The following CLCN6 variants were observed in gnomAD, a reference collection of about 807,000 sequenced individuals.
CLCN6 encodes the protein Cl-/H+ antiporter 6.
Under a neutral mutation model 109.8 loss-of-function variants are expected in CLCN6, and 70 were observed. The observed-to-expected ratio is 0.64, with a 90% CI of 0.53 to 0.78. The LOEUF (loss-of-function observed/expected upper bound fraction) is 0.78, where lower values mean the gene tolerates loss of function less well. Ranked by LOEUF, CLCN6 falls within the 30% of genes least tolerant of loss-of-function variation. CLCN6 has a pLI of 0.00. For synonymous variants in CLCN6, 444 were observed against 447.8 expected (o/e 0.99, Z 0.11); for missense variants, 984 against 1,142.3 (o/e 0.86, Z 2.00).
chr1:11,816,401 C>A (rs1010816520), intron 3 of CLCN6, among the ~76,000 whole-genome samples: 2 of 152,194 alleles, frequency 1.3e-5, no homozygotes, highest in African/African-American at 4.8e-5. Context: ...AGGCCTTTAT[C>A]CTGCCAACCA....
chr1:11,829,336 A>T lies in CLCN6; in HGVS notation c.1248+14A>T. The T allele has an allele frequency of 6.2e-7, 1 of 1,613,914 alleles. No individual in the cohort carries two copies. ...TTCCAGCTCCAGGTAACCCCAGTGC[A>T]CCTGCTACCTTTATCCCATACCACG... On this transcript the variant is annotated intron_variant, in intron 13 of 22. Transcript: ENST00000346436.
chr1:11,834,672 A>G lies in CLCN6; in HGVS notation c.1793+82A>G. 1 of 1,165,960 alleles carries G rather than the reference A, an allele frequency of 8.6e-7. No individual in the cohort carries two copies. Among genetic ancestry groups the G allele is most frequent in the Non-Finnish European group, 1.3e-6 (1 of 791,892 alleles). The allele number at this position is 1,165,960 out of a possible 1,614,324, so 72.2% of individuals were successfully genotyped here. On this transcript the variant is annotated intron_variant, in intron 17 of 22. Coordinates refer to ENST00000346436, the MANE Select transcript of CLCN6 (RefSeq NM_001286.5). This position sits in a 1 kb window ranked among gnomAD's most constrained non-coding sequence, Gnocchi z 4.5. ...AAGGAATGTTGTTATTAGGGTAGGA[A>G]ACAGTAACTCACTTTTCTTGGGCTG...
At chr1:11,818,982 C>A (rs959663216) in intron 4 of CLCN6, among the ~76,000 whole-genome samples, 1 of 152,236 alleles carries the variant, frequency 6.6e-6, no homozygotes, top group South Asian at 2.1e-4. Context: ...AAAGCACATA[C>A]ACCTAAATGA....
rs1233551795 is a variant in CLCN6 at position 11,843,006 on chromosome 1, T to G, written c.*2783T>G. ...CACTGTTTGTTTGTATGATGTTAGC[T>G]AATTCCACTGTGTATATAAATTGTA... On this transcript the variant is annotated 3_prime_UTR_variant, in exon 23 of 23. Transcript: ENST00000346436. 1.3e-5 allele frequency: 2 copies of G among 152,284 alleles called. No individual in the cohort carries two copies. The highest frequency in any genetic ancestry group is 3.8e-4 in the East Asian group (2 of 5,198). 9.4% of individuals were successfully genotyped at this position (152,284 alleles called of 1,614,324 possible).
intron 2 of CLCN6, among the ~76,000 whole-genome samples, chr1:11,814,495 G>T (rs1243789052): frequency 6.6e-6 from 1 of 151,944 alleles, no homozygotes; most frequent in African/African-American, 2.4e-5. Context: ...TGATCCTCCT[G>T]CCTCAGCCTC....
intron 1 of CLCN6, 181 bp downstream of exon 1, chr1:11,806,530 T>A: frequency 2.0e-6 from 1 of 497,030 alleles, no homozygotes; most frequent in Non-Finnish European, 3.5e-6. Context: ...TGGGGTCTTT[T>A]CTCATAACCC....
At position 11,833,981 on chromosome 1, in the gene CLCN6, C is replaced by G. The variant is rs1206593554; in HGVS notation, c.1477C>G (p.Leu493Val). 1 of 1,614,002 alleles carries G rather than the reference C, an allele frequency of 6.2e-7. No homozygotes were observed. Among genetic ancestry groups the G allele is most frequent in the Non-Finnish European group, 8.5e-7 (1 of 1,180,032 alleles). Reference protein sequence around the residue: ...SVPSGLFVPSLLCGAAFGRLV... With the variant: ...SVPSGLFVPSVLCGAAFGRLV... ...TCCAAGTGGCCTTTTTGTGCCTTCT[C>G]TGCTGTGTGGAGCTGCTTTTGGACG... Residue 493 changes from leucine (L) to valine (V), a missense_variant, in exon 15 of 23, where the codon CTG becomes GTG. By Grantham distance (32) the Leu-to-Val change is conservative. Transcript: ENST00000346436.
chr1:11,827,168 T>C lies in CLCN6; in HGVS notation c.787T>C (p.Phe263Leu), dbSNP rs763230244. Residue 263 changes from phenylalanine (F) to leucine (L), a missense_variant, in exon 10 of 23, where the codon TTC becomes CTC. By Grantham distance (22) the Phe-to-Leu change is conservative. Coordinates refer to ENST00000346436, the MANE Select transcript of CLCN6 (RefSeq NM_001286.5). Reference sequence around the variant, plus strand: ...CGGGGCGCCAATCGGGGGTACCTTGTTCAGTCTAGAGGAGGGTTCGTCCTT... The same window carrying C: ...CGGGGCGCCAATCGGGGGTACCTTGCTCAGTCTAGAGGAGGGTTCGTCCTT... ...AFGAPIGGTLFSLEEGSSFWN... is the reference protein window; with the variant it reads ...AFGAPIGGTLLSLEEGSSFWN... 6 of 1,613,840 alleles carry C rather than the reference T, an allele frequency of 3.7e-6. No homozygotes were observed. The Admixed American group carries it at 1.0e-4, about 27-fold the overall frequency.
intron 6 of CLCN6, among the ~76,000 whole-genome samples, chr1:11,823,137 T>C (rs1487004272): frequency 2.0e-5 from 3 of 152,192 alleles, no homozygotes; most frequent in Non-Finnish European, 4.4e-5. Flanking sequence ...CCTCGTAACA[T>C]ACCTGTACAT....
In CLCN6 at chr1:11,838,589, G is replaced by A. The variant is rs764870626; in HGVS notation, c.2458G>A (p.Val820Ile). ...SPFTVSPNTH[V>I]SQVFNLFRTM... ...TTTCACCGTCTCGCCCAACACCCAC[G>A]TCTCCCAAGTCTTCAACCTGTTCAG... is the stretch of plus-strand genomic sequence containing the variant. The change falls in exon 22 of 23, where the codon GTC becomes ATC. Residue 820 changes from valine to isoleucine, a missense_variant. Val to Ile is a conservative substitution (Grantham distance 29, BLOSUM62 3). Coordinates refer to ENST00000346436, the MANE Select transcript of CLCN6 (RefSeq NM_001286.5). 2.2e-5 allele frequency: 36 copies of A among 1,613,370 alleles called. No individual in the cohort carries two copies. The East Asian group carries it at 2.7e-4, about 12-fold the overall frequency.
chr1:11,807,005 G>GGCT (rs1644523583), intron 1 of CLCN6, 126 bp from the exon 2 acceptor site: 1 of 817,328 alleles, frequency 1.2e-6, no homozygotes, highest in Non-Finnish European at 2.0e-6. Context: ...TTTTTTTGAG[G>GGCT]GCTGGTTCCT....
chr1:11,829,086 T>C, intron 12 of CLCN6, 110 bp from the exon 13 acceptor site: 3 of 1,275,786 alleles, frequency 2.4e-6, no homozygotes, highest in Non-Finnish European at 3.3e-6. Context: ...GGGGCTGCTG[T>C]GAATGCTGTT....
At chr1:11,824,745 C>T (rs997124195) in intron 8 of CLCN6, among the ~76,000 whole-genome samples, 192 bp downstream of exon 8, 12 of 152,162 alleles carry the variant, frequency 7.9e-5, no homozygotes, top group South Asian at 2.1e-4. Flanking sequence ...GATGCCCTAC[C>T]GAGCCCTAGG....
At position 11,837,219 on chromosome 1, in the gene CLCN6, C is replaced by T. The variant is rs1266866795; in HGVS notation, c.2138+63C>T. 3.7e-6 allele frequency: 6 copies of T among 1,600,572 alleles called. No homozygotes were observed. In the African/African-American group the frequency reaches 8.0e-5, roughly 21 times the overall value. On this transcript the variant is annotated intron_variant, in intron 19 of 22. Coordinates refer to ENST00000346436, the MANE Select transcript of CLCN6 (RefSeq NM_001286.5). ...ACACAGCGGTGGGGTGAGCCTTTGG[C>T]TCAGATGTTGTGAGGTGGCTCCTGA...
At chr1:11,806,414 C>T (rs1644510600) in intron 1 of CLCN6, 65 bp downstream of exon 1, 2 of 1,324,858 alleles carry the variant, frequency 1.5e-6, no homozygotes, top group South Asian at 1.6e-5. Flanking sequence ...GAGGCGTTGC[C>T]GGGGGTGGGG....
In CLCN6 at chr1:11,833,929, T is replaced by C. The variant is rs376468817; in HGVS notation, c.1425T>C (p.Leu475=). ...TGTTCTTCGTTCTCTATTTCTTGCT[T>C]GCATGTTGGACTTACGGCATTTCTG... ...LALFFVLYFL[L]ACWTYGISVP... is the part of the protein sequence containing the mutation. The change falls in exon 15 of 23, where the codon CTT becomes CTC. Residue 475 remains leucine (L), a synonymous_variant. Transcript: ENST00000346436. 32 of 1,613,826 alleles carry C rather than the reference T, an allele frequency of 2.0e-5. No homozygotes were observed. Among genetic ancestry groups the C allele is most frequent in the Non-Finnish European group, 2.7e-5 (32 of 1,180,000 alleles).
intron 2 of CLCN6, among the ~76,000 whole-genome samples, chr1:11,809,442 G>A (rs1644568396): frequency 6.6e-6 from 1 of 152,124 alleles, no homozygotes; most frequent in South Asian, 2.1e-4. Context: ...GCATATTCAT[G>A]TAAATTTTTG....
At chr1:11,808,075 A>G (rs1384155882) in intron 2 of CLCN6, among the ~76,000 whole-genome samples, 1 of 152,180 alleles carries the variant, frequency 6.6e-6, no homozygotes, top group Non-Finnish European at 1.5e-5. Context: ...TTTCAACTAT[A>G]TGCAAAAACA....
At chr1:11,835,762 G>T (rs1180199615) in intron 17 of CLCN6, among the ~76,000 whole-genome samples, 1 of 152,170 alleles carries the variant, frequency 6.6e-6, no homozygotes, top group Non-Finnish European at 1.5e-5. Flanking sequence ...GGTACAGCAG[G>T]GTACGACATT....
Sources: allele counts gnomAD v4.1 joint callset (sites outside exome capture counted in the v4.1 genomes callset), GRCh38; gene constraint gnomAD v4.1.1; non-coding constraint Gnocchi (gnomAD v3.1); transcripts MANE v1.5; gene names NCBI Gene and HGNC (gene_info 2026-07-23, HGNC 2026-07-21).